LHX2: variants seen among roughly 807,000 people sequenced by gnomAD.
LHX2 encodes LIM/homeobox protein Lhx2.
Under a neutral mutation model 33.0 loss-of-function variants are expected in LHX2, and 6 were observed. The observed-to-expected ratio is 0.18, with a 90% CI of 0.10 to 0.36. LHX2 has a LOEUF of 0.36. LHX2 is among the 10% of genes least tolerant of loss of function. LHX2 has a pLI of 1.00. For missense variants in LHX2, 442 were observed against 586.2 expected (o/e 0.75, Z 2.54); for synonymous variants, 292 against 253.1 (o/e 1.15, Z -1.46).
At chr9:124,017,316 C>T (rs1465236109) in intron 3 of LHX2, among the ~76,000 whole-genome samples, 1 of 152,208 alleles carries the variant, frequency 6.6e-6, no homozygotes, top group East Asian at 1.9e-4. Context: ...CTGAGAGAAA[C>T]GGCGTTCGGT....
chr9:124,028,140 T>G (rs905016852), intron 4 of LHX2, among the ~76,000 whole-genome samples: 3 of 152,236 alleles, frequency 2.0e-5, no homozygotes, highest in African/African-American at 7.2e-5. Flanking sequence ...CCACTGGCCC[T>G]CCTGGCTTTC....
rs368614311 is a variant in LHX2 at position 124,028,452 on chromosome 9, T to C, written c.934-3968T>C. On this transcript the variant is annotated intron_variant, in intron 4 of 4. Transcript: ENST00000373615. Reference sequence around the variant, plus strand: ...GTGGGGCAGACTGCACCTTGTTGCTTGCAGCTGCCTAAGAATCCCAGCCTG... The same window carrying C: ...GTGGGGCAGACTGCACCTTGTTGCTCGCAGCTGCCTAAGAATCCCAGCCTG... Among the ~76,000 whole-genome samples the C allele has an allele frequency of 1.6e-4, 24 of 152,278 alleles. No homozygotes were observed. In the East Asian group the frequency reaches 4.4e-3, roughly 28 times the overall value.
At position 124,015,332 on chromosome 9, in the gene LHX2, C is replaced by T. The variant is rs1308746970; in HGVS notation, c.534C>T (p.Pro178=). Reference sequence around the variant, plus strand: ...AGGCGCTGCTGCAGGGCGAGTACCCCGCACACTTCAACCATGCCGACGTGG... The same window carrying T: ...AGGCGCTGCTGCAGGGCGAGTACCCTGCACACTTCAACCATGCCGACGTGG... ...HFEALLQGEY[P]AHFNHADVAA... The change falls in exon 3 of 5, where the codon CCC becomes CCT. Residue 178 remains proline, a synonymous_variant. Coordinates refer to ENST00000373615, the MANE Select transcript of LHX2 (RefSeq NM_004789.4). The surrounding 1 kb of genome is among the most constrained non-coding windows in gnomAD (Gnocchi z 7.9). 6.2e-7 allele frequency: 1 copy of T among 1,613,782 alleles called. No individual in the cohort carries two copies. The highest frequency in any genetic ancestry group is 8.5e-7 in the Non-Finnish European group (1 of 1,180,026).
intron 4 of LHX2, among the ~76,000 whole-genome samples, chr9:124,022,762 G>C (rs1859314562): frequency 6.6e-6 from 1 of 152,258 alleles, no homozygotes; most frequent in Non-Finnish European, 1.5e-5. Context: ...GCTGTGACGC[G>C]GCGCAACTGC....
rs1465960922 is a variant in LHX2, at chr9:124,012,476, C to T, written c.120+8C>T. ...CGCGGCGACACCGAGACGGTAGGCGCGCGGCTGTGGGGTCGGGGCTGAGAG... is the reference window on the plus strand; with the variant it reads ...CGCGGCGACACCGAGACGGTAGGCGTGCGGCTGTGGGGTCGGGGCTGAGAG... On this transcript the variant is annotated splice_region_variant and intron_variant, in intron 1 of 4. Transcript: ENST00000373615. This position sits in a 1 kb window ranked among gnomAD's most constrained non-coding sequence, Gnocchi z 4.3. The T allele has an allele frequency of 1.9e-6, 3 of 1,541,172 alleles. No homozygotes were observed. The highest frequency in any genetic ancestry group is 2.6e-6 in the Non-Finnish European group (3 of 1,152,146).
intron 4 of LHX2, among the ~76,000 whole-genome samples, chr9:124,025,135 G>C (rs1219756584): frequency 6.6e-6 from 1 of 152,172 alleles, no homozygotes; most frequent in Non-Finnish European, 1.5e-5. Context: ...TTAGACGGAG[G>C]TCCTTTAAGA....
intron 4 of LHX2, among the ~76,000 whole-genome samples, chr9:124,025,535 C>T (rs1191547982): frequency 6.6e-6 from 1 of 151,908 alleles, no homozygotes; most frequent in Non-Finnish European, 1.5e-5. Flanking sequence ...GCTTTCCTTC[C>T]TTCCTGTGGA....
intron 3 of LHX2, 78 bp from the exon 4 acceptor site, chr9:124,021,021 A>T: frequency 1.5e-6 from 2 of 1,292,422 alleles, no homozygotes; most frequent in East Asian, 4.7e-5. Context: ...AATGTTTGGC[A>T]GTGGGTGGGG....
chr9:124,013,344 C>T (rs908293475), intron 1 of LHX2, among the ~76,000 whole-genome samples: 1 of 152,234 alleles, frequency 6.6e-6, no homozygotes, highest in Non-Finnish European at 1.5e-5. Context: ...TGAACCTGTC[C>T]TTCACCCACG....
At chr9:124,021,989 C>T (rs1193615190) in intron 4 of LHX2, 1 of 152,420 alleles carries the variant, frequency 6.6e-6, no homozygotes, top group East Asian at 1.9e-4. Flanking sequence ...CAGAACTGCA[C>T]TTACATGTGC....
At chr9:124,021,487 T>G (rs549531264) in intron 4 of LHX2, among the ~76,000 whole-genome samples, 183 bp downstream of exon 4, 1 of 152,378 alleles carries the variant, frequency 6.6e-6, no homozygotes, top group South Asian at 2.1e-4. Flanking sequence ...AGTCTTTTTT[T>G]TCTTACTTTG....
In LHX2 at chr9:124,016,434, G is replaced by A. The variant is rs1327661555; in HGVS notation, c.727+909G>A. 6.6e-6 allele frequency among the ~76,000 whole-genome samples: 1 copy of A among 152,206 alleles called. No homozygotes were observed. Among genetic ancestry groups the A allele is most frequent in the Non-Finnish European group, 1.5e-5 (1 of 68,042 alleles). On this transcript the variant is annotated intron_variant, in intron 3 of 4. Coordinates refer to ENST00000373615, the MANE Select transcript of LHX2 (RefSeq NM_004789.4). This position sits in a 1 kb window ranked among gnomAD's most constrained non-coding sequence, Gnocchi z 4.4. ...AAGGTTTATGACTCTCCGGGCTTCC[G>A]AACTAGAGTTTATGTGCAATTATTT...
In LHX2 at chr9:124,032,403, C is replaced by T; in HGVS notation, c.934-17C>T. 6.4e-7 allele frequency: 1 copy of T among 1,566,334 alleles called. No homozygotes were observed. The highest frequency in any genetic ancestry group is 8.6e-7 in the Non-Finnish European group (1 of 1,156,086). ...CCTGCCTTCCGCTCACCAGCCCTTCCCTGTCGTCCCCCGCAGGTCTGGTTC... is the reference window on the plus strand; with the variant it reads ...CCTGCCTTCCGCTCACCAGCCCTTCTCTGTCGTCCCCCGCAGGTCTGGTTC... On this transcript the variant is annotated splice_polypyrimidine_tract_variant and intron_variant, in intron 4 of 4. Coordinates refer to ENST00000373615, the MANE Select transcript of LHX2 (RefSeq NM_004789.4). This position sits in a 1 kb window ranked among gnomAD's most constrained non-coding sequence, Gnocchi z 4.1.
At position 124,015,018 on chromosome 9, in the gene LHX2, T is replaced by G. The variant is rs894948900; in HGVS notation, c.324-104T>G. 8 of 1,362,252 alleles carry G rather than the reference T, an allele frequency of 5.9e-6. No homozygotes were observed. The East Asian group carries it at 1.8e-4, about 31-fold the overall frequency. 84.4% of individuals were successfully genotyped at this position (1,362,252 alleles called of 1,614,324 possible). A position where few individuals can be genotyped will look rare whatever the true frequency, so the allele number is the denominator to read the frequency against. ...CCAAATAAAGGCCGGGTTGTTCGTCTTGAGGAGGGGATTGCCCCCCGCAGC... is the reference window on the plus strand; with the variant it reads ...CCAAATAAAGGCCGGGTTGTTCGTCGTGAGGAGGGGATTGCCCCCCGCAGC... On this transcript the variant is annotated intron_variant, in intron 2 of 4. Coordinates refer to ENST00000373615, the MANE Select transcript of LHX2 (RefSeq NM_004789.4). The surrounding 1 kb of genome is among the most constrained non-coding windows in gnomAD (Gnocchi z 7.9).
intron 3 of LHX2, among the ~76,000 whole-genome samples, chr9:124,020,517 T>C (rs910148295): frequency 6.6e-6 from 1 of 152,196 alleles, no homozygotes; most frequent in Admixed American, 6.5e-5. Flanking sequence ...AGTTTCTAGG[T>C]GCCGGTCCCA....
Position 124,016,704 on chromosome 9 carries a change from C to T in LHX2, c.727+1179C>T, listed in dbSNP as rs529915789. Among the ~76,000 whole-genome samples, 4 of 152,266 alleles carry T rather than the reference C, an allele frequency of 2.6e-5. No individual in the cohort carries two copies. Among genetic ancestry groups the T allele is most frequent in the African/African-American group, 7.2e-5 (3 of 41,540 alleles). On this transcript the variant is annotated intron_variant, in intron 3 of 4. Coordinates refer to ENST00000373615, the MANE Select transcript of LHX2 (RefSeq NM_004789.4). The surrounding 1 kb of genome is among the most constrained non-coding windows in gnomAD (Gnocchi z 4.4). Reference sequence around the variant, plus strand: ...TTGGAGGATCATGGGGCGTGTGTCCCTGTGTGCGGAACTGGGAGGAAAACG... The same window carrying T: ...TTGGAGGATCATGGGGCGTGTGTCCTTGTGTGCGGAACTGGGAGGAAAACG...
intron 3 of LHX2, 144 bp from the exon 4 acceptor site, chr9:124,020,955 G>C (rs1859281353): frequency 1.4e-6 from 1 of 703,190 alleles, no homozygotes; most frequent in Admixed American, 2.4e-5. Flanking sequence ...TCTATAAAAT[G>C]GGGATGATGT....
intron 4 of LHX2, among the ~76,000 whole-genome samples, chr9:124,024,567 G>A (rs923676865): frequency 2.0e-5 from 3 of 152,236 alleles, no homozygotes; most frequent in Non-Finnish European, 4.4e-5. Flanking sequence ...ATGGGGATGA[G>A]AAGGATACCT....
At chr9:124,020,258 T>C (rs527325602) in intron 3 of LHX2, among the ~76,000 whole-genome samples, 211 of 152,206 alleles carry the variant, frequency 1.4e-3, no homozygotes, top group African/African-American at 4.6e-3. Context: ...AGGTGTCTAC[T>C]ACATGTTTAT....
Sources: gnomAD v4.1 joint callset for allele counts (sites outside exome capture counted in the v4.1 genomes callset) on GRCh38, gnomAD v4.1.1 for gene constraint, Gnocchi (gnomAD v3.1) non-coding constraint, MANE v1.5 for transcripts, NCBI Gene and HGNC (gene_info 2026-07-23, HGNC 2026-07-21) for gene names.